Variants in NCOR1 observed in about 807,000 individuals in gnomAD.
NCOR1 encodes protein phosphatase 1, regulatory subunit 109.
NCOR1 carries 63 observed loss-of-function variants against 288.1 expected under a neutral mutation model. That is an observed-to-expected ratio of 0.22 (90% CI 0.18 to 0.27). The LOEUF is 0.27. Ranked by LOEUF, NCOR1 falls within the 10% of genes least tolerant of loss-of-function variation. NCOR1 has a pLI of 1.00. For synonymous variants in NCOR1, 1,007 were observed against 1,065.9 expected (o/e 0.94, Z 1.08); for missense variants, 2,397 against 3,019.2 (o/e 0.79, Z 4.83).
intron 10 of NCOR1, among the ~76,000 whole-genome samples, chr17:16,145,724 C>A (rs2077862351): frequency 6.6e-6 from 1 of 152,086 alleles, no homozygotes; most frequent in East Asian, 1.9e-4. Flanking sequence ...TGGGGGGCAG[C>A]CCCTGCCCAG....
intron 5 of NCOR1, among the ~76,000 whole-genome samples, chr17:16,162,115 G>T (rs901797238): frequency 3.3e-5 from 5 of 151,936 alleles, no homozygotes; most frequent in African/African-American, 1.2e-4. Context: ...TTAATGACCA[G>T]GCAGATTTGA....
intron 1 of NCOR1, among the ~76,000 whole-genome samples, chr17:16,202,202 CA>C (rs1250566751): frequency 9.5e-6 from 1 of 104,884 alleles, no homozygotes; most frequent in Non-Finnish European, 1.9e-5. Flanking sequence ...CCAGCCTGGG[CA>C]AAAGGGCGAG....
At chr17:16,181,058 C>G (rs2085307567) in intron 3 of NCOR1, among the ~76,000 whole-genome samples, 2 of 152,172 alleles carry the variant, frequency 1.3e-5, no homozygotes, top group Middle Eastern at 3.4e-3. Flanking sequence ...ACTCCAGAGG[C>G]TGAGGCAGGA....
intron 4 of NCOR1, among the ~76,000 whole-genome samples, chr17:16,166,414 C>T (rs965209140): frequency 8.5e-5 from 13 of 152,180 alleles, no homozygotes; most frequent in African/African-American, 3.1e-4. Flanking sequence ...GGCACAGTGG[C>T]TCATGCCTGT....
At chr17:16,122,419 C>T (rs1366298553) in intron 15 of NCOR1, among the ~76,000 whole-genome samples, 2 of 152,122 alleles carry the variant, frequency 1.3e-5, no homozygotes, top group Admixed American at 1.3e-4. Context: ...CTGAAGCCTC[C>T]TGTTAAAAGA....
At chr17:16,093,610 G>A (rs1037325763) in intron 21 of NCOR1, among the ~76,000 whole-genome samples, 2 of 152,060 alleles carry the variant, frequency 1.3e-5, no homozygotes, top group African/African-American at 4.8e-5. Flanking sequence ...CTTTTTTTTA[G>A]AATCTGGTAA....
intron 3 of NCOR1, among the ~76,000 whole-genome samples, chr17:16,183,085 T>C (rs867811591): frequency 3.3e-5 from 5 of 151,562 alleles, no homozygotes; most frequent in African/African-American, 1.2e-4. Flanking sequence ...TCATAATCAA[T>C]AGGGAAATAC....
At chr17:16,150,457 A>G (rs908146890) in intron 8 of NCOR1, among the ~76,000 whole-genome samples, 5 of 152,220 alleles carry the variant, frequency 3.3e-5, no homozygotes, top group African/African-American at 1.2e-4. Context: ...GGGAAGCATT[A>G]CCATATACTC....
At chr17:16,157,263 G>T (rs968080308) in intron 6 of NCOR1, among the ~76,000 whole-genome samples, 4 of 152,010 alleles carry the variant, frequency 2.6e-5, no homozygotes, top group African/African-American at 9.7e-5. Context: ...TCCTTTACTG[G>T]ATTTATCTTC....
chr17:16,107,537 C>G (rs1170314665), intron 19 of NCOR1, among the ~76,000 whole-genome samples: 3 of 152,240 alleles, frequency 2.0e-5, no homozygotes, highest in Middle Eastern at 3.4e-3. Context: ...CCTCCAGAAC[C>G]GTGAGAAAAT....
Position 16,137,431 on chromosome 17 carries a change from T to C in NCOR1, c.1408-19A>G. ...GAACACTCTGTAAGAAATAAAACAA[T>C]TATTTTTGAGGATCCAATGAAATAA... On this transcript the variant is annotated intron_variant, in intron 13 of 45. Transcript: ENST00000268712. 1.5e-6 allele frequency: 2 copies of C among 1,354,240 alleles called. No individual in the cohort carries two copies. Among genetic ancestry groups the C allele is most frequent in the East Asian group, 2.4e-5 (1 of 40,852 alleles). 83.9% of individuals were successfully genotyped at this position (1,354,240 alleles called of 1,614,324 possible).
intron 31 of NCOR1, chr17:16,068,439 G>C: frequency 7.3e-6 from 2 of 275,684 alleles, no homozygotes; most frequent in Non-Finnish European, 1.4e-5. Flanking sequence ...TTTGTTTTTT[G>C]TATGACTTTA....
At chr17:16,116,908 A>G (rs1248881496) in intron 18 of NCOR1, among the ~76,000 whole-genome samples, 1 of 152,236 alleles carries the variant, frequency 6.6e-6, no homozygotes, top group South Asian at 2.1e-4. Flanking sequence ...CCCTGCCAAG[A>G]TTTATGCTTA....
At position 16,061,786 on chromosome 17, in the gene NCOR1, G is replaced by C; in HGVS notation, c.5496C>G (p.Pro1832=). The C allele has an allele frequency of 6.2e-7, 1 of 1,614,208 alleles. No individual in the cohort carries two copies. Among genetic ancestry groups the C allele is most frequent in the Non-Finnish European group, 8.5e-7 (1 of 1,180,046 alleles). Residue 1832 remains proline (P), a synonymous_variant, in exon 37 of 46, where the codon CCC becomes CCG. Coordinates refer to ENST00000268712, the MANE Select transcript of NCOR1 (RefSeq NM_006311.4). ...AALVDAAASA[P]QMDVSKTKES... The stretch of plus-strand genomic sequence containing the variant: ...CTTTTGTTTTGGACACATCCATCTG[G>C]GGTGCAGAAGCTGCAGCATCCACAA...
At chr17:16,038,750 A>AT (rs1378008498) in intron 44 of NCOR1, among the ~76,000 whole-genome samples, 1 of 150,546 alleles carries the variant, frequency 6.6e-6, no homozygotes, top group East Asian at 2.0e-4. Flanking sequence ...GCTTACGATT[A>AT]TTTTATTTTA....
intron 10 of NCOR1, among the ~76,000 whole-genome samples, chr17:16,145,755 G>A (rs1228185490): frequency 6.6e-6 from 1 of 152,124 alleles, no homozygotes; most frequent in Non-Finnish European, 1.5e-5. Flanking sequence ...CATCCGGGGG[G>A]TGGGGCGCCT....
intron 19 of NCOR1, among the ~76,000 whole-genome samples, chr17:16,105,451 C>T (rs946479347): frequency 6.6e-6 from 1 of 151,940 alleles, no homozygotes; most frequent in African/African-American, 2.4e-5. Flanking sequence ...CAAAAAGAAG[C>T]AAGAGACTAA....
chr17:16,091,192 C>T (rs537685045), intron 22 of NCOR1, among the ~76,000 whole-genome samples: 4 of 152,268 alleles, frequency 2.6e-5, no homozygotes, highest in Admixed American at 2.6e-4. Flanking sequence ...TCCATAGTAT[C>T]TACTGTGTAT....
intron 31 of NCOR1, 98 bp from the exon 32 acceptor site, chr17:16,068,219 G>T: frequency 1.0e-6 from 1 of 976,992 alleles, no homozygotes; most frequent in Non-Finnish European, 1.5e-6. Context: ...CTATATTCAT[G>T]TATTTGGATC....
Sources: allele counts gnomAD v4.1 joint callset (sites outside exome capture counted in the v4.1 genomes callset), GRCh38; gene constraint gnomAD v4.1.1; transcripts MANE v1.5; gene names NCBI Gene and HGNC (gene_info 2026-07-23, HGNC 2026-07-21).